NELL1: variants seen among roughly 807,000 people sequenced by gnomAD.
The protein encoded by NELL1 is neural EGFL like 1, also known as protein kinase C-binding protein NELL1.
In NELL1, 76 loss-of-function variants were observed where a neutral mutation model predicts 107.4. That is an observed-to-expected ratio of 0.71 (90% CI 0.59 to 0.86). The LOEUF (loss-of-function observed/expected upper bound fraction) is 0.86, where lower values mean the gene tolerates loss of function less well. Ranked by LOEUF, NELL1 falls within the 40% of genes least tolerant of loss-of-function variation. The pLI is 0.00. For missense variants in NELL1, 1,024 were observed against 1,005.5 expected, an observed-to-expected ratio of 1.02 and a Z score of -0.25; for synonymous variants, 353 against 341.2, an observed-to-expected ratio of 1.03 and a Z score of -0.38.
chr11:20,841,179 C>T (rs1848615769), intron 3 of NELL1, among the ~76,000 whole-genome samples: 1 of 152,124 alleles, frequency 6.6e-6, no homozygotes, highest in Admixed American at 6.6e-5. Flanking sequence ...CATTTATAGA[C>T]CCAGACTTTT....
chr11:21,184,855 G>A (rs1343929458), intron 13 of NELL1, among the ~76,000 whole-genome samples: 1 of 151,810 alleles, frequency 6.6e-6, no homozygotes, highest in East Asian at 1.9e-4. Flanking sequence ...GAATCAACTT[G>A]TGAATTTCCT....
chr11:20,754,328 T>C (rs909357104), intron 2 of NELL1, among the ~76,000 whole-genome samples: 5 of 152,178 alleles, frequency 3.3e-5, no homozygotes, highest in African/African-American at 1.2e-4. Context: ...TAGGCAGATT[T>C]ATAGTTTACT....
At chr11:20,830,867 A>C (rs1857993665) in intron 3 of NELL1, among the ~76,000 whole-genome samples, 1 of 152,138 alleles carries the variant, frequency 6.6e-6, no homozygotes. Flanking sequence ...CATTTATGAG[A>C]GATACACCCA....
At chr11:21,139,515 C>T (rs544722562) in intron 13 of NELL1, among the ~76,000 whole-genome samples, 139 of 152,298 alleles carry the variant, frequency 9.1e-4, no homozygotes, top group African/African-American at 3.3e-3. Flanking sequence ...CACTATCCAC[C>T]ACATTACATA....
intron 1 of NELL1, among the ~76,000 whole-genome samples, chr11:20,673,436 A>C (rs796837691): frequency 7.9e-5 from 12 of 152,280 alleles, no homozygotes; most frequent in African/African-American, 2.9e-4. Context: ...AGAGGAAAAC[A>C]GCTTCCACCA....
chr11:20,720,202 G>GTTTTTTTTTTTTTT (rs72275946), intron 2 of NELL1, among the ~76,000 whole-genome samples: 1 of 141,058 alleles, frequency 7.1e-6, no homozygotes, highest in Non-Finnish European at 1.5e-5. Context: ...GTTCATTCCT[G>GTTTTTTTTTTTTTT]TTTTTTTTTT....
At chr11:21,368,691 A>G (rs575068257) in intron 14 of NELL1, among the ~76,000 whole-genome samples, 1 of 152,176 alleles carries the variant, frequency 6.6e-6, no homozygotes, top group African/African-American at 2.4e-5. Flanking sequence ...GGTATGTCTT[A>G]AGCCCATCTT....
chr11:21,372,284 A>T (rs1851373867), intron 15 of NELL1, among the ~76,000 whole-genome samples: 1 of 151,962 alleles, frequency 6.6e-6, no homozygotes, highest in Admixed American at 6.6e-5. Flanking sequence ...AAAATGAAAA[A>T]AAAAACAAAA....
At chr11:21,501,904 G>A (rs1855154453) in intron 15 of NELL1, among the ~76,000 whole-genome samples, 1 of 152,112 alleles carries the variant, frequency 6.6e-6, no homozygotes, top group Admixed American at 6.6e-5. Context: ...TTTCTCCCAA[G>A]TTCTTAAAGT....
chr11:21,347,457 C>G (rs553405795), intron 14 of NELL1, among the ~76,000 whole-genome samples: 2 of 152,158 alleles, frequency 1.3e-5, no homozygotes, highest in African/African-American at 4.8e-5. Context: ...AAAAAATTAG[C>G]CGAGTGTGGT....
At chr11:20,880,166 C>T (rs977312138) in intron 4 of NELL1, among the ~76,000 whole-genome samples, 2 of 152,116 alleles carry the variant, frequency 1.3e-5, no homozygotes, top group African/African-American at 4.8e-5. Context: ...AATATCAAAC[C>T]CTTAAATTCC....
intron 2 of NELL1, among the ~76,000 whole-genome samples, chr11:20,758,609 C>G (rs1179721069): frequency 6.6e-6 from 1 of 152,148 alleles, no homozygotes; most frequent in African/African-American, 2.4e-5. Flanking sequence ...AGAGAGAATT[C>G]CCAAAGTAGT....
chr11:20,902,475 TA>T (rs1477592775), intron 5 of NELL1, among the ~76,000 whole-genome samples: 4 of 152,124 alleles, frequency 2.6e-5, no homozygotes, highest in Non-Finnish European at 5.9e-5. Context: ...CTGACAATGC[TA>T]TGTGTAGGGG....
intron 13 of NELL1, among the ~76,000 whole-genome samples, chr11:21,190,728 A>T (rs1441122423): frequency 6.6e-6 from 1 of 151,886 alleles, no homozygotes; most frequent in Non-Finnish European, 1.5e-5. Flanking sequence ...ACCCTCATTT[A>T]TCTCTAAAGA....
chr11:20,810,795 T>G (rs1176809426), intron 3 of NELL1, among the ~76,000 whole-genome samples: 2 of 152,162 alleles, frequency 1.3e-5, no homozygotes, highest in African/African-American at 4.8e-5. Context: ...ATCTCCACAC[T>G]CTTTTCTATA....
At chr11:20,757,692 G>A (rs950453845) in intron 2 of NELL1, among the ~76,000 whole-genome samples, 11 of 151,836 alleles carry the variant, frequency 7.2e-5, no homozygotes, top group Admixed American at 2.0e-4. Context: ...CATCCTTTAG[G>A]CTCAGCCTCT....
intron 9 of NELL1, among the ~76,000 whole-genome samples, chr11:20,929,174 A>G (rs1483729824): frequency 1.3e-5 from 2 of 152,326 alleles, no homozygotes; most frequent in East Asian, 3.9e-4. Flanking sequence ...TACAAAGCCC[A>G]TAGCCTTTTT....
rs112297020 is a variant in NELL1 at position 21,542,623 on chromosome 11, A to G, written c.1786+8109A>G. On this transcript the variant is annotated intron_variant, in intron 16 of 19. Transcript: ENST00000357134. ...GCCTTGATAATACTACTACTGGGAT[A>G]TCCACTGATGTCATTACCTTCTTTG... Among the ~76,000 whole-genome samples the G allele has an allele frequency of 5.3e-3, 809 of 152,086 alleles. 6 individuals carry two copies. The highest frequency in any genetic ancestry group is 0.017 in the Middle Eastern group (5 of 294).
intron 3 of NELL1, among the ~76,000 whole-genome samples, chr11:20,831,521 C>T (rs1781567585): frequency 6.6e-6 from 1 of 152,160 alleles, no homozygotes; most frequent in African/African-American, 2.4e-5. Flanking sequence ...AAGAACATAA[C>T]AGGAATTATG....
Sources: allele counts gnomAD v4.1 joint callset (sites outside exome capture counted in the v4.1 genomes callset), GRCh38; gene constraint gnomAD v4.1.1; transcripts MANE v1.5; gene names NCBI Gene and HGNC (gene_info 2026-07-23, HGNC 2026-07-21).